The following DCK variants were observed in gnomAD, a reference collection of about 807,000 sequenced individuals.
DCK encodes deoxyadenosine kinase.
Under a neutral mutation model 38.3 loss-of-function variants are expected in DCK, and 23 were observed. That is an observed-to-expected ratio of 0.60 (90% CI 0.43 to 0.85). The LOEUF (loss-of-function observed/expected upper bound fraction) is 0.85, where lower values mean the gene tolerates loss of function less well. DCK is among the 40% of genes least tolerant of loss of function. DCK has a pLI of 0.00. For synonymous variants in DCK, 108 were observed against 100.6 expected (o/e 1.07, Z -0.44); for missense variants, 259 against 304.4 (o/e 0.85, Z 1.11).
At chr4:71,008,016 T>G (rs979821335) in intron 2 of DCK, among the ~76,000 whole-genome samples, 2 of 152,226 alleles carry the variant, frequency 1.3e-5, no homozygotes, top group African/African-American at 4.8e-5. Flanking sequence ...CTTGAGCCAC[T>G]ATGTGGGGCC....
intron 2 of DCK, among the ~76,000 whole-genome samples, chr4:71,019,204 C>T (rs530436051): frequency 6.6e-6 from 1 of 151,954 alleles, no homozygotes; most frequent in Non-Finnish European, 1.5e-5. Context: ...ATTTTTGATT[C>T]AGTTTGAATT....
At chr4:71,012,817 A>G (rs1272262139) in intron 2 of DCK, among the ~76,000 whole-genome samples, 1 of 152,252 alleles carries the variant, frequency 6.6e-6, no homozygotes, top group African/African-American at 2.4e-5. Flanking sequence ...AGATAGGGAA[A>G]AACAGAGCAG....
chr4:71,013,794 A>T (rs904173973), intron 2 of DCK, among the ~76,000 whole-genome samples: 11 of 152,244 alleles, frequency 7.2e-5, no homozygotes, highest in Non-Finnish European at 1.3e-4. Flanking sequence ...GGTACCAGCC[A>T]CTGCAAAAAC....
Position 71,023,513 on chromosome 4 carries a change from G to T in DCK, c.402-46G>T, listed in dbSNP as rs1740476874. ...CTGTTCTCTTTTTTATTTCTTTGTT[G>T]TTTTTTTTTGAAATGATACATGTGT... On this transcript the variant is annotated intron_variant, in intron 3 of 6. Transcript: ENST00000286648. 4 of 1,212,166 alleles carry T rather than the reference G, an allele frequency of 3.3e-6. No homozygotes were observed. The highest frequency in any genetic ancestry group is 4.6e-6 in the Non-Finnish European group (4 of 876,646). The allele number at this position is 1,212,166 out of a possible 1,614,324, so 75.1% of individuals were successfully genotyped here.
chr4:71,026,716 T>C lies in DCK; in HGVS notation c.717T>C (p.Asn239=), dbSNP rs778833527. 1 of 1,583,118 alleles carries C rather than the reference T, an allele frequency of 6.3e-7. No individual in the cohort carries two copies. Among genetic ancestry groups the C allele is most frequent in the Non-Finnish European group, 8.7e-7 (1 of 1,155,058 alleles). ...QEVPILTLDV[N]EDFKDKYESL... is the part of the protein sequence containing the mutation. ...TGCCTATCTTAACACTGGATGTTAA[T>C]GAAGACTTTAAAGACAAATATGAAA... The change falls in exon 6 of 7, where the codon AAT becomes AAC. Residue 239 remains asparagine (N), a synonymous_variant. Coordinates refer to ENST00000286648, the MANE Select transcript of DCK (RefSeq NM_000788.3).
At chr4:70,997,254 A>C (rs1432775972) in intron 1 of DCK, among the ~76,000 whole-genome samples, 1 of 152,148 alleles carries the variant, frequency 6.6e-6, no homozygotes, top group African/African-American at 2.4e-5. Context: ...TAGCTCAGTG[A>C]ATGTGGGGTG....
intron 1 of DCK, among the ~76,000 whole-genome samples, chr4:70,994,970 C>T (rs1044298197): frequency 6.6e-6 from 1 of 152,128 alleles, no homozygotes; most frequent in South Asian, 2.1e-4. Context: ...TTTTTTAGCT[C>T]CAGGTTGGGT....
chr4:71,022,614 A>G, intron 3 of DCK, 54 bp downstream of exon 3: 14 of 1,020,848 alleles, frequency 1.4e-5, no homozygotes, highest in South Asian at 1.1e-4. Flanking sequence ...TTAGAACTGG[A>G]CTTTTTTTTT....
intron 2 of DCK, among the ~76,000 whole-genome samples, chr4:71,015,747 A>T (rs1340807827): frequency 6.6e-6 from 1 of 152,236 alleles, no homozygotes; most frequent in Non-Finnish European, 1.5e-5. Context: ...TTATGCTAAA[A>T]ACTCTCAATA....
chr4:70,995,695 T>G (rs1341868655), intron 1 of DCK, among the ~76,000 whole-genome samples: 1 of 152,216 alleles, frequency 6.6e-6, no homozygotes, highest in Non-Finnish European at 1.5e-5. Context: ...TTAGAAATAT[T>G]TCCTCAAAGC....
chr4:71,018,664 A>G (rs1740334507), intron 2 of DCK, among the ~76,000 whole-genome samples: 1 of 114,988 alleles, frequency 8.7e-6, no homozygotes, highest in African/African-American at 3.2e-5. Flanking sequence ...AGTATTTTTT[A>G]GATTTTTTTT....
rs1254254221 is a variant in DCK, at chr4:71,030,358, C to G, written c.*980C>G. ...GTTTTTCCTGTGTATTAAACCTTTC[C>G]ATTTTACGTTTTAGAAAATTTTATG... On this transcript the variant is annotated 3_prime_UTR_variant, in exon 7 of 7. Coordinates refer to ENST00000286648, the MANE Select transcript of DCK (RefSeq NM_000788.3). 6.6e-6 allele frequency: 1 copy of G among 151,948 alleles called. No individual in the cohort carries two copies. Among genetic ancestry groups the G allele is most frequent in the Non-Finnish European group, 1.5e-5 (1 of 67,954 alleles). The allele number at this position is 151,948 out of a possible 1,614,324, so 9.4% of individuals were successfully genotyped here.
At chr4:71,010,441 C>T (rs1332724873) in intron 2 of DCK, among the ~76,000 whole-genome samples, 4 of 150,716 alleles carry the variant, frequency 2.7e-5, no homozygotes, top group Non-Finnish European at 4.4e-5. Flanking sequence ...TAATTGTTTC[C>T]TTTTAGCTTA....
intron 6 of DCK, among the ~76,000 whole-genome samples, chr4:71,027,803 T>C (rs1740578903): frequency 6.6e-6 from 1 of 152,212 alleles, no homozygotes; most frequent in Non-Finnish European, 1.5e-5. Context: ...CTTACAATAC[T>C]ATTAAATGAA....
chr4:70,998,589 G>A (rs1202569109), intron 2 of DCK, among the ~76,000 whole-genome samples: 2 of 152,132 alleles, frequency 1.3e-5, no homozygotes, highest in African/African-American at 2.4e-5. Flanking sequence ...GTGGAACCTG[G>A]AATCAATTCT....
chr4:70,997,700 G>A (rs904235678), intron 1 of DCK, among the ~76,000 whole-genome samples: 3 of 152,090 alleles, frequency 2.0e-5, no homozygotes, highest in African/African-American at 2.4e-5. Flanking sequence ...GTGTGTGCAC[G>A]CACACACAGG....
At chr4:71,005,472 C>G (rs370934519) in intron 2 of DCK, among the ~76,000 whole-genome samples, 8 of 151,784 alleles carry the variant, frequency 5.3e-5, no homozygotes, top group African/African-American at 1.9e-4. Flanking sequence ...TTTAAAAAAT[C>G]TAACAGCAAA....
At chr4:71,025,754 G>C (rs1740532546) in intron 4 of DCK, 62 bp from the exon 5 acceptor site, 1 of 1,489,564 alleles carries the variant, frequency 6.7e-7, no homozygotes, top group South Asian at 1.5e-5. Context: ...AAATTTTGAT[G>C]GCAGCAGACA....
At chr4:71,023,341 A>T (rs1396574381) in intron 3 of DCK, among the ~76,000 whole-genome samples, 1 of 152,188 alleles carries the variant, frequency 6.6e-6, no homozygotes, top group Admixed American at 6.5e-5. Flanking sequence ...CCTCTCACAG[A>T]ACCCCTTAGA....
Sources: gnomAD v4.1 joint callset for allele counts (sites outside exome capture counted in the v4.1 genomes callset) on GRCh38, gnomAD v4.1.1 for gene constraint, MANE v1.5 for transcripts, NCBI Gene and HGNC (gene_info 2026-07-23, HGNC 2026-07-21) for gene names.